The following MAP4K5 variants were observed in gnomAD, a reference collection of about 807,000 sequenced individuals.
MAP4K5 encodes mitogen-activated protein kinase kinase kinase kinase 5.
MAP4K5 carries 82 observed loss-of-function variants against 135.6 expected under a neutral mutation model. That is an observed-to-expected ratio of 0.60 (90% CI 0.51 to 0.73). The LOEUF (loss-of-function observed/expected upper bound fraction) is 0.73, where lower values mean the gene tolerates loss of function less well. Among genes scored for constraint, MAP4K5 ranks in the 30% least tolerant of loss-of-function variants. The pLI is 0.00. For missense variants in MAP4K5, 907 were observed against 1,010.9 expected (o/e 0.90, Z 1.39); for synonymous variants, 347 against 335.0 (o/e 1.04, Z -0.39).
At chr14:50,464,242 T>C (rs2036781440) in intron 11 of MAP4K5, 109 bp from the exon 12 acceptor site, 2 of 613,654 alleles carry the variant, frequency 3.3e-6, no homozygotes, top group Non-Finnish European at 5.7e-6. Context: ...GATTTTTTAT[T>C]GGGCCACTTA....
chr14:50,458,458 A>G (rs1179252780), intron 13 of MAP4K5, among the ~76,000 whole-genome samples: 1 of 152,158 alleles, frequency 6.6e-6, no homozygotes, highest in African/African-American at 2.4e-5. Context: ...TTCATAAATG[A>G]ATTGCAATAC....
intron 1 of MAP4K5, among the ~76,000 whole-genome samples, chr14:50,547,875 T>G (rs1474039636): frequency 6.6e-6 from 1 of 152,224 alleles, no homozygotes; most frequent in Non-Finnish European, 1.5e-5. Flanking sequence ...TAATGGACTT[T>G]CCAGGTACTA....
chr14:50,548,752 C>T (rs578224724), intron 1 of MAP4K5, among the ~76,000 whole-genome samples: 28 of 152,116 alleles, frequency 1.8e-4, no homozygotes, highest in Admixed American at 9.8e-4. Flanking sequence ...CCTTGTGATC[C>T]GCCTGCCTCA....
intron 31 of MAP4K5, among the ~76,000 whole-genome samples, chr14:50,423,674 T>C (rs538025175): frequency 1.3e-4 from 20 of 152,124 alleles, no homozygotes; most frequent in Admixed American, 8.5e-4. Flanking sequence ...AAGGCTGAAG[T>C]AGGAGGATCG....
chr14:50,559,967 G>A (rs1336621467), intron 1 of MAP4K5: 2 of 480,108 alleles, frequency 4.2e-6, no homozygotes, highest in Admixed American at 6.7e-5. Flanking sequence ...GTTTTCCGTT[G>A]AAAATGTTGC....
intron 2 of MAP4K5, among the ~76,000 whole-genome samples, chr14:50,522,128 C>T (rs2038165143): frequency 6.6e-6 from 1 of 152,056 alleles, no homozygotes; most frequent in African/African-American, 2.4e-5. Flanking sequence ...TATTCTATCC[C>T]ATTTGTCTTC....
At position 50,447,445 on chromosome 14, in the gene MAP4K5, T is replaced by C; in HGVS notation, c.1111A>G (p.Asn371Asp). The part of the protein sequence containing the change: ...SSDPNFMLQW[N>D]PFVDGANTGK... ...GTATTTGCACCATCAACAAAAGGAT[T>C]CCACTGTAACATGAAATTTGGGTCT... The change falls in exon 16 of 33, where the codon AAT (asparagine) becomes GAT (aspartate). Residue 371 changes from asparagine to aspartate, a missense_variant. Transcript: ENST00000682126. 3 of 1,552,562 alleles carry C rather than the reference T, an allele frequency of 1.9e-6. No individual in the cohort carries two copies. Among genetic ancestry groups the C allele is most frequent in the Non-Finnish European group, 2.6e-6 (3 of 1,147,092 alleles).
Position 50,468,757 on chromosome 14 carries a change from C to T in MAP4K5, c.568G>A (p.Glu190Lys). The T allele has an allele frequency of 6.2e-7, 1 of 1,611,406 alleles. No homozygotes were observed. The highest frequency in any genetic ancestry group is 8.5e-7 in the Non-Finnish European group (1 of 1,178,606). Residue 190 changes from glutamate to lysine, a missense_variant, in exon 10 of 33, where the codon GAG (glutamate) becomes AAG (lysine). Physicochemically the swap from Glu to Lys is moderately conservative, Grantham distance 56. This residue lies in a region of MAP4K5 where 690 missense variants were observed against 777.4 expected (regional missense o/e 0.89). Coordinates refer to ENST00000682126, the MANE Select transcript of MAP4K5 (RefSeq NM_006575.6). ...YWMAPEVAAV[E>K]KNGGYNQLCD... ...AGTTGGTTGTAGCCACCATTCTTCT[C>T]TACTGCTGCAACTTCTGGGGCCATC...
At chr14:50,421,724 C>T (rs541452992) in intron 32 of MAP4K5, among the ~76,000 whole-genome samples, 33 of 151,578 alleles carry the variant, frequency 2.2e-4, no homozygotes, top group Non-Finnish European at 3.8e-4. Flanking sequence ...ACAGAGAATA[C>T]GAACAGGGAA....
intron 10 of MAP4K5, 183 bp downstream of exon 10, chr14:50,468,468 A>C (rs2036882214): frequency 3.5e-6 from 2 of 569,956 alleles, no homozygotes; most frequent in Non-Finnish European, 6.1e-6. Context: ...ATTGTGAAAA[A>C]TGAATTGAGG....
At chr14:50,547,921 C>G (rs1036983390) in intron 1 of MAP4K5, among the ~76,000 whole-genome samples, 1 of 152,204 alleles carries the variant, frequency 6.6e-6, no homozygotes, top group African/African-American at 2.4e-5. Context: ...CCATCTATCA[C>G]AGTATAGTTG....
chr14:50,501,043 T>G (rs191126672), intron 3 of MAP4K5, among the ~76,000 whole-genome samples: 77 of 152,250 alleles, frequency 5.1e-4, no homozygotes, highest in African/African-American at 1.8e-3. Flanking sequence ...CTACTAAATA[T>G]AAAACTAAGT....
chr14:50,486,862 G>A (rs2037373561), intron 3 of MAP4K5, among the ~76,000 whole-genome samples: 2 of 152,084 alleles, frequency 1.3e-5, no homozygotes, highest in African/African-American at 4.8e-5. Context: ...GCAACATAGT[G>A]AGCCTCCCTC....
chr14:50,522,187 TAAACAAAGAACTAGAATACTAGATG>T (rs1303105443), intron 2 of MAP4K5, among the ~76,000 whole-genome samples: 2 of 152,050 alleles, frequency 1.3e-5, no homozygotes, highest in Admixed American at 1.3e-4. Context: ...TAAACCTATG[TAAACAAAGAACTAGAATACTAGATG>T]AATAAGCCCA....
intron 5 of MAP4K5, among the ~76,000 whole-genome samples, 168 bp downstream of exon 5, chr14:50,485,410 T>C (rs1399956133): frequency 6.6e-6 from 1 of 152,150 alleles, no homozygotes; most frequent in African/African-American, 2.4e-5. Context: ...CAAGTTTAAT[T>C]GACTAACCAA....
chr14:50,486,091 T>G lies in MAP4K5; in HGVS notation c.257+13A>C. 9.4e-7 allele frequency: 1 copy of G among 1,059,598 alleles called. No individual in the cohort carries two copies. The highest frequency in any genetic ancestry group is 1.5e-5 in the South Asian group (1 of 67,172). The allele number at this position is 1,059,598 out of a possible 1,614,324, so 65.6% of individuals were successfully genotyped here. A position where few individuals can be genotyped will look rare whatever the true frequency, so the allele number is the denominator to read the frequency against. On this transcript the variant is annotated intron_variant, in intron 4 of 32. Coordinates refer to ENST00000682126, the MANE Select transcript of MAP4K5 (RefSeq NM_006575.6). ...TAAAATACAGAGAGAGATGATGCTT[T>G]TTTTTCTCTTACCTAAGATAACTCC...
intron 13 of MAP4K5, 48 bp downstream of exon 13, chr14:50,462,617 C>T: frequency 7.4e-7 from 1 of 1,348,606 alleles, no homozygotes; most frequent in Non-Finnish European, 1.0e-6. Context: ...ACTTTAAGGC[C>T]TTATAAAACA....
intron 15 of MAP4K5, 147 bp downstream of exon 15, chr14:50,448,627 C>CTT: frequency 1.8e-6 from 1 of 543,632 alleles, no homozygotes; most frequent in Non-Finnish European, 3.2e-6. Flanking sequence ...TAACTATAAA[C>CTT]TTTTAAAAAC....
upstream of MAP4K5, among the ~76,000 whole-genome samples, chr14:50,535,176 T>A (rs1313545561): frequency 6.6e-6 from 1 of 152,266 alleles, no homozygotes; most frequent in Non-Finnish European, 1.5e-5. Flanking sequence ...TGCTTTGTAA[T>A]GTACTTCCCT....
Sources: allele counts gnomAD v4.1 joint callset (sites outside exome capture counted in the v4.1 genomes callset), GRCh38; gene constraint gnomAD v4.1.1; regional missense constraint gnomAD v4.1.1; transcripts MANE v1.5; gene names NCBI Gene and HGNC (gene_info 2026-07-23, HGNC 2026-07-21).